The following SLC25A21 variants were observed in gnomAD, a reference collection of about 807,000 sequenced individuals.
SLC25A21 encodes mitochondrial 2-oxodicarboxylate carrier.
Under a neutral mutation model 43.8 loss-of-function variants are expected in SLC25A21, and 47 were observed. That is an observed-to-expected ratio of 1.07 (90% CI 0.85 to 1.37). The LOEUF (loss-of-function observed/expected upper bound fraction) is 1.37, where lower values mean the gene tolerates loss of function less well. Among genes scored for constraint, SLC25A21 ranks in the 40% most tolerant of loss-of-function variants. SLC25A21 has a pLI of 0.00. For synonymous variants in SLC25A21, 131 were observed against 121.3 expected, an observed-to-expected ratio of 1.08 and a Z score of -0.52; for missense variants, 352 against 350.2, an observed-to-expected ratio of 1.00 and a Z score of -0.04.
At chr14:37,051,434 C>T (rs1006536714) in intron 1 of SLC25A21, among the ~76,000 whole-genome samples, 2 of 152,174 alleles carry the variant, frequency 1.3e-5, no homozygotes, top group African/African-American at 4.8e-5. Context: ...TAGAAATAGC[C>T]TATCATTTAC....
intron 3 of SLC25A21, among the ~76,000 whole-genome samples, chr14:36,740,397 T>C (rs911855778): frequency 2.6e-5 from 4 of 152,162 alleles, no homozygotes; most frequent in East Asian, 3.9e-4. Context: ...AGCCACTAGA[T>C]TGTGATGGTT....
intron 7 of SLC25A21, 47 bp from the exon 8 acceptor site, chr14:36,684,972 C>CT: frequency 6.6e-7 from 1 of 1,515,920 alleles, no homozygotes; most frequent in South Asian, 1.2e-5. Context: ...GCGGAAGCCC[C>CT]TAAATCAGTT....
intron 6 of SLC25A21, among the ~76,000 whole-genome samples, chr14:36,712,573 A>G (rs749799987): frequency 7.2e-5 from 11 of 152,228 alleles, no homozygotes; most frequent in Non-Finnish European, 1.3e-4. Flanking sequence ...ATTAATGTGA[A>G]ACATTTAAAT....
intron 3 of SLC25A21, 34 bp from the exon 4 acceptor site, chr14:36,734,607 G>A: frequency 6.6e-7 from 1 of 1,513,082 alleles, no homozygotes; most frequent in South Asian, 1.2e-5. Context: ...CTATGAGTAA[G>A]GAAATTAGGC....
At chr14:36,931,826 GCT>G (rs1487673292) in intron 1 of SLC25A21, among the ~76,000 whole-genome samples, 1 of 152,114 alleles carries the variant, frequency 6.6e-6, no homozygotes, top group African/African-American at 2.4e-5. Flanking sequence ...TCAGAATTTT[GCT>G]CTGAGTACTT....
intron 1 of SLC25A21, among the ~76,000 whole-genome samples, chr14:37,099,344 C>A (rs1237630094): frequency 6.6e-6 from 1 of 152,142 alleles, no homozygotes; most frequent in African/African-American, 2.4e-5. Flanking sequence ...TTCCCCTTAA[C>A]ATTTAAACCC....
At chr14:37,116,027 T>C (rs1000265609) in intron 1 of SLC25A21, among the ~76,000 whole-genome samples, 4 of 152,050 alleles carry the variant, frequency 2.6e-5, no homozygotes, top group African/African-American at 9.7e-5. Flanking sequence ...ACTGAACTTG[T>C]CCCAGGGAAC....
intron 1 of SLC25A21, among the ~76,000 whole-genome samples, chr14:36,936,134 T>C (rs1159868045): frequency 6.6e-6 from 1 of 152,124 alleles, no homozygotes; most frequent in African/African-American, 2.4e-5. Flanking sequence ...ATCAACCTAG[T>C]CAAGCTAAAG....
chr14:36,950,718 G>A (rs1892788850), intron 1 of SLC25A21, among the ~76,000 whole-genome samples: 1 of 152,160 alleles, frequency 6.6e-6, no homozygotes, highest in Non-Finnish European at 1.5e-5. Flanking sequence ...GGCAGTGTGG[G>A]AAATACTGAG....
intron 1 of SLC25A21, among the ~76,000 whole-genome samples, chr14:36,959,682 GA>G (rs1226297536): frequency 1.3e-5 from 2 of 152,132 alleles, no homozygotes; most frequent in African/African-American, 4.8e-5. Context: ...TGAATTTCCT[GA>G]ATCTAGATTC....
At chr14:36,875,232 G>A (rs569643479) in intron 1 of SLC25A21, among the ~76,000 whole-genome samples, 63 of 152,176 alleles carry the variant, frequency 4.1e-4, no homozygotes, top group Non-Finnish European at 8.1e-4. Flanking sequence ...CTCTGGCAGG[G>A]AGGTAGGGCT....
intron 1 of SLC25A21, among the ~76,000 whole-genome samples, chr14:36,993,679 T>C (rs1960310941): frequency 6.6e-6 from 1 of 152,170 alleles, no homozygotes; most frequent in South Asian, 2.1e-4. Flanking sequence ...TTCCAGACAA[T>C]ACATCTTATC....
chr14:36,978,822 T>C (rs1172419822), intron 1 of SLC25A21, among the ~76,000 whole-genome samples: 1 of 152,194 alleles, frequency 6.6e-6, no homozygotes, highest in East Asian at 1.9e-4. Context: ...ATTCACCGAC[T>C]CTAAATCAGG....
chr14:36,964,849 G>A (rs1466070237), intron 1 of SLC25A21, among the ~76,000 whole-genome samples: 3 of 152,150 alleles, frequency 2.0e-5, no homozygotes, highest in Non-Finnish European at 4.4e-5. Flanking sequence ...ACTCGCTTGT[G>A]ATGGGGAGGG....
chr14:36,731,058 C>T (rs1330090654), intron 4 of SLC25A21, among the ~76,000 whole-genome samples: 5 of 151,510 alleles, frequency 3.3e-5, no homozygotes, highest in South Asian at 2.1e-4. Context: ...CTGCAAGCTC[C>T]GCCTCCCGGG....
In SLC25A21 at chr14:37,133,143, GCACACACACACA is replaced by G. The variant is rs33962615; in HGVS notation, c.70+39126_70+39137del. Among the ~76,000 whole-genome samples, 407 of 148,080 alleles carry G rather than the reference GCACACACACACA, an allele frequency of 2.7e-3. 1 individual carries two copies. Among genetic ancestry groups the G allele is most frequent in the Middle Eastern group, 0.017 (5 of 294 alleles). On this transcript the variant is annotated intron_variant, in intron 1 of 9. Coordinates refer to ENST00000331299, the MANE Select transcript of SLC25A21 (RefSeq NM_030631.4). ...ACCCCACCTTACTGTGTGCACTCGTGCACACACACACACACACACACACACACACTCATGCAA... is the reference window on the plus strand; with the variant it reads ...ACCCCACCTTACTGTGTGCACTCGTGCACACACACACACACACTCATGCAA...
At chr14:36,811,374 G>A (rs1315608981) in intron 3 of SLC25A21, among the ~76,000 whole-genome samples, 1 of 152,126 alleles carries the variant, frequency 6.6e-6, no homozygotes, top group African/African-American at 2.4e-5. Flanking sequence ...GCATTGGCTG[G>A]GTGTGGTGGC....
chr14:36,930,873 TTAAG>T (rs1281030990), intron 1 of SLC25A21, among the ~76,000 whole-genome samples: 1 of 152,008 alleles, frequency 6.6e-6, no homozygotes, highest in East Asian at 1.9e-4. Flanking sequence ...GCTGAGAGAG[TTAAG>T]TATTTCCAGT....
Position 37,049,733 on chromosome 14 carries a change from G to A in SLC25A21, c.70+122548C>T, listed in dbSNP as rs377060555. ...GTAGCCACACTAAAAAAAGAAATAG[G>A]TGAAATTAATTTTAAAAATATATTT... On this transcript the variant is annotated intron_variant, in intron 1 of 9. Coordinates refer to ENST00000331299, the MANE Select transcript of SLC25A21 (RefSeq NM_030631.4). 2.6e-5 allele frequency among the ~76,000 whole-genome samples: 4 copies of A among 152,000 alleles called. No homozygotes were observed. The East Asian group carries it at 7.7e-4, about 29-fold the overall frequency.
Sources: allele counts gnomAD v4.1 joint callset (sites outside exome capture counted in the v4.1 genomes callset), GRCh38; gene constraint gnomAD v4.1.1; transcripts MANE v1.5; gene names NCBI Gene and HGNC (gene_info 2026-07-23, HGNC 2026-07-21).